Variants in NOX5 observed in about 807,000 individuals in gnomAD.
NOX5 encodes NADPH oxidase 5, also known as NADPH oxidase, EF-hand calcium binding domain 5.
In NOX5, 76 loss-of-function variants were observed where a neutral mutation model predicts 85.7. The ratio of observed to expected loss-of-function variants is 0.89; its 90% CI spans 0.74 to 1.07. NOX5 has a LOEUF of 1.07. NOX5 is among the 50% of genes least tolerant of loss of function. NOX5 has a pLI of 0.00. For synonymous variants in NOX5, 405 were observed against 401.4 expected (o/e 1.01, Z -0.11); for missense variants, 973 against 999.5 (o/e 0.97, Z 0.36).
intron 3 of NOX5, chr15:69,028,676 A>T (rs906154830): frequency 2.8e-5 from 6 of 211,166 alleles, no homozygotes; most frequent in Middle Eastern, 1.6e-3. Context: ...TCTATGTCTG[A>T]AAAAGAAAAT....
rs773749971 is a variant in NOX5, at chr15:69,056,700, C to T, written c.*4C>T. On this transcript the variant is annotated 3_prime_UTR_variant, in exon 16 of 16. Transcript: ENST00000388866. ...ATTTTTCCAAGAGAATTTCTAGCCT[C>T]ACCTCTCCAAGCTCTGCCCCAAGTC... The T allele has an allele frequency of 6.2e-7, 1 of 1,613,236 alleles. No individual in the cohort carries two copies. The highest frequency in any genetic ancestry group is 1.7e-5 in the Admixed American group (1 of 59,984).
intron 1 of NOX5, among the ~76,000 whole-genome samples, chr15:69,024,336 C>A (rs1254300555): frequency 1.3e-5 from 2 of 152,078 alleles, no homozygotes; most frequent in Non-Finnish European, 2.9e-5. Flanking sequence ...CCATGGTCAA[C>A]CAAGGTCAAA....
At chr15:69,035,299 G>T (rs2050496942) in intron 5 of NOX5, 55 bp from the exon 6 acceptor site, 2 of 1,581,668 alleles carry the variant, frequency 1.3e-6, no homozygotes. Flanking sequence ...GCTGGGAAAA[G>T]AGGACAAGGC....
At chr15:69,047,939 T>A in intron 13 of NOX5, 28 bp downstream of exon 13, 1 of 1,602,328 alleles carries the variant, frequency 6.2e-7, no homozygotes, top group Non-Finnish European at 8.6e-7. Flanking sequence ...CAGGCAGGCC[T>A]CCAGACCTTC....
At chr15:69,049,503 G>C (rs896868909) in intron 14 of NOX5, among the ~76,000 whole-genome samples, 2 of 152,032 alleles carry the variant, frequency 1.3e-5, no homozygotes, top group Non-Finnish European at 2.9e-5. Context: ...TTGAAAAATA[G>C]AAGGGGGAAA....
chr15:69,048,748 G>T (rs919128462), intron 13 of NOX5, among the ~76,000 whole-genome samples: 1 of 152,088 alleles, frequency 6.6e-6, no homozygotes, highest in African/African-American at 2.4e-5. Context: ...CCCCGCCTTG[G>T]GGTCAGAAAC....
At chr15:69,047,359 G>A in intron 11 of NOX5, 54 bp from the exon 12 acceptor site, 1 of 1,503,324 alleles carries the variant, frequency 6.7e-7, no homozygotes, top group African/African-American at 1.4e-5. Context: ...CCTGGTAGCA[G>A]GGGAGACCAG....
chr15:69,028,236 T>C lies in NOX5; in HGVS notation c.196T>C (p.Phe66Leu), dbSNP rs141843018. ...VKESFFAERF[F>L]ALFDSDRSGT... ...ACAGTCCTTCTTTGCAGAGCGATTC[T>C]TTGCCCTATTTGACTCCGATAGAAG... The change falls in exon 3 of 16, where the codon TTT (phenylalanine) becomes CTT (leucine). Residue 66 changes from phenylalanine (F) to leucine (L), a missense_variant. Phe to Leu is a conservative substitution (Grantham distance 22, BLOSUM62 0). Coordinates refer to ENST00000388866, the MANE Select transcript of NOX5 (RefSeq NM_024505.4). 43 of 1,610,422 alleles carry C rather than the reference T, an allele frequency of 2.7e-5. No individual in the cohort carries two copies. In the African/African-American group the frequency reaches 5.5e-4, roughly 21 times the overall value.
chr15:69,033,022 C>A, intron 4 of NOX5, 21 bp from the exon 5 acceptor site: 1 of 1,523,622 alleles, frequency 6.6e-7, no homozygotes, highest in Admixed American at 2.2e-5. Flanking sequence ...CGCCTCTGAG[C>A]GGAACCCGCC....
Position 69,060,876 on chromosome 15 carries a change from T to C in NOX5, c.*4180T>C, listed in dbSNP as rs971898470. The C allele has an allele frequency of 6.6e-6, 1 of 152,228 alleles. No homozygotes were observed. Among genetic ancestry groups the C allele is most frequent in the Non-Finnish European group, 1.5e-5 (1 of 68,032 alleles). 9.4% of individuals were successfully genotyped at this position (152,228 alleles called of 1,614,324 possible). A position where few individuals can be genotyped will look rare whatever the true frequency, so the allele number is the denominator to read the frequency against. Reference sequence around the variant, plus strand: ...CCCTTATCTGTTGGGGGCCCAGATGTGTCTACAGCATTGTTAACATCTGGT... The same window carrying C: ...CCCTTATCTGTTGGGGGCCCAGATGCGTCTACAGCATTGTTAACATCTGGT... On this transcript the variant is annotated 3_prime_UTR_variant, in exon 16 of 16. Coordinates refer to ENST00000388866, the MANE Select transcript of NOX5 (RefSeq NM_024505.4).
chr15:69,041,355 C>T (rs968532692), intron 9 of NOX5, among the ~76,000 whole-genome samples: 4 of 152,222 alleles, frequency 2.6e-5, no homozygotes, highest in Admixed American at 2.6e-4. Context: ...TGAAGCACCT[C>T]TCTAAGCCTC....
rs779543519 is a variant in NOX5, at chr15:69,035,717, C to T, written c.1010-41C>T. ...CAATGGGAAGGTGGAGTGGGAAGAG[C>T]TGGTCTTGCAGTCACTCAACCTTTC... is the stretch of plus-strand genomic sequence containing the variant. On this transcript the variant is annotated intron_variant, in intron 6 of 15. Transcript: ENST00000388866. 3.1e-6 allele frequency: 5 copies of T among 1,599,306 alleles called. No individual in the cohort carries two copies. The South Asian group carries it at 5.6e-5, about 18-fold the overall frequency.
chr15:69,049,707 G>T lies in NOX5; in HGVS notation c.1999+649G>T, dbSNP rs978017668. Among the ~76,000 whole-genome samples the T allele has an allele frequency of 2.0e-5, 3 of 151,416 alleles. No homozygotes were observed. The East Asian group carries it at 5.8e-4, about 29-fold the overall frequency. ...ACATGTTGAAAATTTAAATTCCTAG[G>T]CCTCACCCCAGATCTTCCAAATCAG... On this transcript the variant is annotated intron_variant, in intron 14 of 15. Coordinates refer to ENST00000388866, the MANE Select transcript of NOX5 (RefSeq NM_024505.4).
intron 3 of NOX5, 177 bp from the exon 4 acceptor site, chr15:69,031,341 A>T (rs767831520): frequency 4.6e-6 from 3 of 650,160 alleles, no homozygotes; most frequent in Non-Finnish European, 7.7e-6. Flanking sequence ...GAAGCCAAAG[A>T]TTCTCCACCC....
intron 9 of NOX5, among the ~76,000 whole-genome samples, chr15:69,041,942 C>G (rs1331636051): frequency 1.3e-5 from 2 of 151,558 alleles, no homozygotes; most frequent in African/African-American, 4.9e-5. Context: ...CAAGACAATT[C>G]TTGTACTCCC....
chr15:69,047,743 C>T, intron 12 of NOX5, 87 bp from the exon 13 acceptor site: 1 of 1,457,198 alleles, frequency 6.9e-7, no homozygotes, highest in Non-Finnish European at 9.5e-7. Context: ...GCCACCCCAT[C>T]CTTGCTCCCT....
At chr15:69,054,964 C>T (rs1418783167) in intron 14 of NOX5, among the ~76,000 whole-genome samples, 1 of 152,170 alleles carries the variant, frequency 6.6e-6, no homozygotes, top group Non-Finnish European at 1.5e-5. Flanking sequence ...TGGCTCACAC[C>T]TGTAATCCCA....
At chr15:69,034,571 C>G (rs1279100964) in intron 5 of NOX5, among the ~76,000 whole-genome samples, 8 of 152,156 alleles carry the variant, frequency 5.3e-5, no homozygotes, top group Admixed American at 5.2e-4. Context: ...AATACTGTAA[C>G]CTACAAGTCC....
chr15:69,037,360 G>A (rs2050535259), intron 8 of NOX5, 150 bp downstream of exon 8: 15 of 773,046 alleles, frequency 1.9e-5, no homozygotes, highest in Non-Finnish European at 2.8e-5. Flanking sequence ...GAAGCAAAAT[G>A]CAAGACCCAG....
Sources: gnomAD v4.1 joint callset for allele counts (sites outside exome capture counted in the v4.1 genomes callset) on GRCh38, gnomAD v4.1.1 for gene constraint, MANE v1.5 for transcripts, NCBI Gene and HGNC (gene_info 2026-07-23, HGNC 2026-07-21) for gene names.